Variants in FGD4 observed in about 807,000 individuals in gnomAD.
The protein encoded by FGD4 is FYVE, RhoGEF and PH domain containing 4.
Under a neutral mutation model 102.0 loss-of-function variants are expected in FGD4, and 42 were observed. The observed-to-expected ratio is 0.41, with a 90% CI of 0.32 to 0.53. The LOEUF (loss-of-function observed/expected upper bound fraction) is 0.53. FGD4 is among the 20% of genes least tolerant of loss of function. FGD4 has a pLI of 0.21. For synonymous variants in FGD4, 380 were observed against 375.7 expected, an observed-to-expected ratio of 1.01 and a Z score of -0.13; for missense variants, 902 against 1,078.2, an observed-to-expected ratio of 0.84 and a Z score of 2.29.
At chr12:32,552,501 C>G (rs4931634) in intron 1 of FGD4, among the ~76,000 whole-genome samples, 52,933 of 144,010 alleles carry the variant, frequency 0.37, 11,652 homozygotes, top group African/African-American at 0.63. Flanking sequence ...AGGCTTCTCT[C>G]GAACTCCTGA....
chr12:32,407,219 G>A (rs1940977638), intron 1 of FGD4, among the ~76,000 whole-genome samples: 3 of 146,896 alleles, frequency 2.0e-5, no homozygotes, highest in Non-Finnish European at 4.5e-5. Flanking sequence ...TCCCCCTCCC[G>A]GGTTCAAATG....
rs1330182228 is a variant in FGD4, at chr12:32,633,629, T to C, written c.2253T>C (p.Cys751=). 3 of 1,612,476 alleles carry C rather than the reference T, an allele frequency of 1.9e-6. No homozygotes were observed. ...GGKLSKVCKD[C]YQIISGFTDS... is the part of the protein sequence containing the mutation. ...AATTGAGCAAAGTTTGTAAAGACTG[T>C]TATCAAATCATAAGTGGATTCACAG... The change falls in exon 15 of 17, where the codon TGT becomes TGC. Residue 751 remains cysteine (C), a synonymous_variant. Transcript: ENST00000534526.
At chr12:32,501,936 C>G in intron 1 of FGD4, 11 of 675,084 alleles carry the variant, frequency 1.6e-5, no homozygotes, top group Non-Finnish European at 2.0e-5. Context: ...TGCTGGAAAG[C>G]TTTTAGTTGG....
chr12:32,437,196 C>G (rs1565739655), intron 1 of FGD4, among the ~76,000 whole-genome samples: 2 of 151,876 alleles, frequency 1.3e-5, no homozygotes, highest in South Asian at 4.2e-4. Context: ...TAAATACATT[C>G]TCTTTCGGGT....
intron 11 of FGD4, among the ~76,000 whole-genome samples, chr12:32,621,944 A>G (rs966117923): frequency 1.6e-4 from 25 of 151,610 alleles, no homozygotes; most frequent in African/African-American, 5.6e-4. Context: ...CTGGAGTGCA[A>G]TGGCATGATC....
At chr12:32,442,309 C>T (rs1176473177) in intron 1 of FGD4, among the ~76,000 whole-genome samples, 1 of 151,946 alleles carries the variant, frequency 6.6e-6, no homozygotes, top group East Asian at 1.9e-4. Flanking sequence ...CACCTCAGCC[C>T]CCCAAAGTGC....
At chr12:32,475,284 T>C (rs901442792) in intron 1 of FGD4, among the ~76,000 whole-genome samples, 1 of 152,338 alleles carries the variant, frequency 6.6e-6, no homozygotes, top group Middle Eastern at 3.4e-3. Flanking sequence ...TGATGGTGTT[T>C]CCACTGGTAT....
chr12:32,469,284 T>C lies in FGD4; in HGVS notation c.166+69325T>C, dbSNP rs1943351535. Among the ~76,000 whole-genome samples the C allele has an allele frequency of 5.3e-5, 8 of 152,074 alleles. No individual in the cohort carries two copies. In the South Asian group the frequency reaches 1.5e-3, roughly 28 times the overall value. Reference sequence around the variant, plus strand: ...TTAAAATTCCCTAATTTGTTATCTTTTATTTATTTATTGAGACAGAGTCTT... The same window carrying C: ...TTAAAATTCCCTAATTTGTTATCTTCTATTTATTTATTGAGACAGAGTCTT... On this transcript the variant is annotated intron_variant, in intron 1 of 16. Transcript: ENST00000534526.
At chr12:32,407,097 C>T (rs112177701) in intron 1 of FGD4, among the ~76,000 whole-genome samples, 9,329 of 147,718 alleles carry the variant, frequency 0.063, 409 homozygotes, top group Middle Eastern at 0.15. Flanking sequence ...AGGCATGAGC[C>T]ACCACGCCCG....
At chr12:32,588,411 G>A (rs556581252) in intron 4 of FGD4, among the ~76,000 whole-genome samples, 1 of 152,350 alleles carries the variant, frequency 6.6e-6, no homozygotes, top group Admixed American at 6.5e-5. Context: ...CACTGATAAA[G>A]CTAAGGTTTA....
chr12:32,636,570 T>G (rs964008418), intron 15 of FGD4, among the ~76,000 whole-genome samples: 2 of 151,210 alleles, frequency 1.3e-5, no homozygotes, highest in African/African-American at 4.9e-5. Context: ...GAAGCATCAG[T>G]TTTTTTTTCC....
chr12:32,502,771 C>T (rs750504473), intron 1 of FGD4, among the ~76,000 whole-genome samples: 2 of 152,048 alleles, frequency 1.3e-5, no homozygotes, highest in Non-Finnish European at 2.9e-5. Flanking sequence ...CATGACTGAC[C>T]CACCATTACT....
intron 1 of FGD4, among the ~76,000 whole-genome samples, chr12:32,455,238 T>C (rs983033136): frequency 6.6e-6 from 1 of 152,224 alleles, no homozygotes; most frequent in African/African-American, 2.4e-5. Flanking sequence ...TGTGTGTTCA[T>C]TGTCAGTATG....
At chr12:32,539,991 A>T (rs1424725691) in intron 1 of FGD4, among the ~76,000 whole-genome samples, 2 of 152,150 alleles carry the variant, frequency 1.3e-5, no homozygotes, top group African/African-American at 2.4e-5. Context: ...AATTTTTTTT[A>T]AATTTATTTC....
At chr12:32,609,572 T>C (rs1453586852) in intron 8 of FGD4, among the ~76,000 whole-genome samples, 1 of 152,176 alleles carries the variant, frequency 6.6e-6, no homozygotes, top group Admixed American at 6.5e-5. Context: ...CAGACTTTGG[T>C]ATCCCCTTAG....
chr12:32,442,022 G>T (rs1208185693), intron 1 of FGD4, among the ~76,000 whole-genome samples: 2 of 151,174 alleles, frequency 1.3e-5, no homozygotes, highest in Non-Finnish European at 2.9e-5. Context: ...GGTGGTGCTG[G>T]CAATTCAGGA....
At chr12:32,489,901 G>A (rs1449841507) in intron 1 of FGD4, among the ~76,000 whole-genome samples, 3 of 152,036 alleles carry the variant, frequency 2.0e-5, no homozygotes, top group East Asian at 1.9e-4. Context: ...TCAGAATTAT[G>A]AGCCAAACAT....
chr12:32,616,838 A>G (rs1949480934), intron 10 of FGD4, among the ~76,000 whole-genome samples: 1 of 152,234 alleles, frequency 6.6e-6, no homozygotes, highest in African/African-American at 2.4e-5. Context: ...TTGCTATCAC[A>G]GAACACCTGA....
chr12:32,473,530 C>T (rs920693503), intron 1 of FGD4, among the ~76,000 whole-genome samples: 6 of 151,806 alleles, frequency 4.0e-5, no homozygotes, highest in Non-Finnish European at 8.8e-5. Flanking sequence ...AAACTCCGAA[C>T]ACATCTGAAC....
Sources: allele counts gnomAD v4.1 joint callset (sites outside exome capture counted in the v4.1 genomes callset), GRCh38; gene constraint gnomAD v4.1.1; transcripts MANE v1.5; gene names NCBI Gene and HGNC (gene_info 2026-07-23, HGNC 2026-07-21).